EMC10: variants seen among roughly 807,000 people sequenced by gnomAD.
EMC10 encodes UPF0510 protein INM02.
In EMC10, 40 loss-of-function variants were observed where a neutral mutation model predicts 32.2. The ratio of observed to expected loss-of-function variants is 1.24; its 90% CI spans 0.96 to 1.61. The LOEUF is 1.61. EMC10 is among the 40% of genes most tolerant of loss of function. The pLI is 0.00. For missense variants in EMC10, 402 were observed against 357.7 expected (o/e 1.12, Z -1.00); for synonymous variants, 178 against 158.4 (o/e 1.12, Z -0.93).
chr19:50,481,500 C>T (rs1018800172), intron 6 of EMC10: 13 of 282,624 alleles, frequency 4.6e-5, no homozygotes, highest in African/African-American at 2.0e-4. Flanking sequence ...TGGGGACAGC[C>T]GGAGGAGGTG....
chr19:50,476,614 C>T lies in EMC10; in HGVS notation c.70C>T (p.Arg24Ter), dbSNP rs953380956. The change falls in exon 1 of 7, where the codon CGA becomes TGA. Residue 24 changes from arginine to a stop codon, truncating the protein, a stop_gained. Transcript: ENST00000334976. LOFTEE classifies it high-confidence loss of function. Reference sequence around the variant, plus strand: ...GCTGATGGCGGTAGCAGCGCCCAGTCGAGCCCGGGGCAGCGGCTGCCGGGC... The same window carrying T: ...GCTGATGGCGGTAGCAGCGCCCAGTTGAGCCCGGGGCAGCGGCTGCCGGGC... ...LLLMAVAAPS[R>*]ARGSGCRAGT... 3.2e-6 allele frequency: 5 copies of T among 1,560,824 alleles called. No homozygotes were observed. Among genetic ancestry groups the T allele is most frequent in the East Asian group, 4.7e-5 (2 of 42,314 alleles).
rs1016868432 is a variant in EMC10, at chr19:50,481,877, G to C, written c.679-272G>C. ...CCTCCCCAGTGGCACATCATCCTGG[G>C]GGGGGCCGTGTTGCTCACAGCCCTG... On this transcript the variant is annotated intron_variant, in intron 6 of 6. Coordinates refer to ENST00000334976, the MANE Select transcript of EMC10 (RefSeq NM_206538.4). 14 of 1,588,272 alleles carry C rather than the reference G, an allele frequency of 8.8e-6. No individual in the cohort carries two copies. The highest frequency in any genetic ancestry group is 8.1e-5 in the African/African-American group (6 of 74,342).
chr19:50,481,346 C>T (rs951781063), intron 6 of EMC10: 4 of 235,898 alleles, frequency 1.7e-5, no homozygotes, highest in African/African-American at 2.3e-5. Context: ...GGAGTGGGTC[C>T]GGGAGGGATG....
chr19:50,480,264 C>T lies in EMC10; in HGVS notation c.402+49C>T. ...CCCCTTCTCCCTCGTCCTCCTCATC[C>T]CCTACCCTGGTCCTGCTTCCACCAT... On this transcript the variant is annotated intron_variant, in intron 4 of 6. Coordinates refer to ENST00000334976, the MANE Select transcript of EMC10 (RefSeq NM_206538.4). The surrounding 1 kb of genome is among the most constrained non-coding windows in gnomAD (Gnocchi z 4.4). 1 of 1,536,848 alleles carries T rather than the reference C, an allele frequency of 6.5e-7. No individual in the cohort carries two copies. Among genetic ancestry groups the T allele is most frequent in the Non-Finnish European group, 8.9e-7 (1 of 1,120,584 alleles).
chr19:50,481,402 T>G (rs1034374898), intron 6 of EMC10: 1 of 215,822 alleles, frequency 4.6e-6, no homozygotes, highest in Non-Finnish European at 9.0e-6. Context: ...CTGGGAGGCC[T>G]CCTGGAGCTG....
Position 50,482,887 on chromosome 19 carries a change from A to ATGT in EMC10, c.*628_*629insTGT. The ATGT allele has an allele frequency of 1.8e-6, 1 of 542,080 alleles. No individual in the cohort carries two copies. Among genetic ancestry groups the ATGT allele is most frequent in the Non-Finnish European group, 3.2e-6 (1 of 307,916 alleles). The allele number at this position is 542,080 out of a possible 1,614,324, so 33.6% of individuals were successfully genotyped here. On this transcript the variant is annotated 3_prime_UTR_variant, in exon 7 of 7. Transcript: ENST00000334976. ...TTTGACATTTGTCTGCCTGGTGCAAACAAGGAATCCTTGCCTTTAAGGTGA... is the reference window on the plus strand; with the variant it reads ...TTTGACATTTGTCTGCCTGGTGCAAATGTCAAGGAATCCTTGCCTTTAAGGTGA...
In EMC10 at chr19:50,483,026, C is replaced by G. The variant is rs1055884723; in HGVS notation, c.*767C>G. 2.9e-5 allele frequency: 16 copies of G among 560,318 alleles called. No individual in the cohort carries two copies. The highest frequency in any genetic ancestry group is 2.1e-4 in the East Asian group (5 of 24,030). 34.7% of individuals were successfully genotyped at this position (560,318 alleles called of 1,614,324 possible). ...GTAAATAGAACCCCCTCCACCACCC[C>G]CCGCCGCCCAGCATCCTACCTGGAC... is the stretch of plus-strand genomic sequence containing the variant. On this transcript the variant is annotated 3_prime_UTR_variant, in exon 7 of 7. Coordinates refer to ENST00000334976, the MANE Select transcript of EMC10 (RefSeq NM_206538.4).
chr19:50,478,061 T>A, intron 2 of EMC10, 60 bp downstream of exon 2: 8 of 1,425,464 alleles, frequency 5.6e-6, no homozygotes, highest in Non-Finnish European at 7.7e-6. Context: ...AAGTCAAGAC[T>A]TGGAGTCTGG....
At chr19:50,477,081 C>T (rs1328748193) in intron 1 of EMC10, 1 of 150,202 alleles carries the variant, frequency 6.7e-6, no homozygotes, top group Non-Finnish European at 1.4e-5. Flanking sequence ...CATAGCGAGC[C>T]CTGTCTCTAC....
rs1333563255 is a variant in EMC10 at position 50,480,716 on chromosome 19, C to T, written c.538C>T (p.Leu180=). ...TGAGGTGGAGGACGTGGACCTGGAG[C>T]TGTTCAACACCTCGGTGCAGCTGCA... ...GHEVEDVDLE[L]FNTSVQLQPP... is the part of the protein sequence containing the mutation. The change falls in exon 5 of 7, where the codon CTG becomes TTG. Residue 180 remains leucine, a synonymous_variant. Coordinates refer to ENST00000334976, the MANE Select transcript of EMC10 (RefSeq NM_206538.4). The surrounding 1 kb of genome is among the most constrained non-coding windows in gnomAD (Gnocchi z 4.4). 2 of 1,605,542 alleles carry T rather than the reference C, an allele frequency of 1.2e-6. No individual in the cohort carries two copies. Among genetic ancestry groups the T allele is most frequent in the Non-Finnish European group, 8.5e-7 (1 of 1,177,066 alleles).
chr19:50,478,900 GC>G, intron 2 of EMC10, 56 bp from the exon 3 acceptor site: 2 of 1,407,588 alleles, frequency 1.4e-6, no homozygotes, highest in South Asian at 2.5e-5. Context: ...CCTGGCCCCT[GC>G]CTGGGTTGAA....
chr19:50,481,048 T>C (rs1297797891), intron 6 of EMC10, 71 bp downstream of exon 6: 3 of 1,238,840 alleles, frequency 2.4e-6, no homozygotes, highest in Non-Finnish European at 3.5e-6. Flanking sequence ...CCCTCCATGC[T>C]CCCACCCAGA....
chr19:50,482,762 ACCCTGGGTC>A lies in EMC10; in HGVS notation c.*508_*516del. On this transcript the variant is annotated 3_prime_UTR_variant, in exon 7 of 7. Coordinates refer to ENST00000334976, the MANE Select transcript of EMC10 (RefSeq NM_206538.4). The stretch of plus-strand genomic sequence containing the variant: ...CTCCCTTCTGTGTCCCCTTGAGGGT[ACCCTGGGTC>A]CCCTCATCAGGGGCAGAGGCATGAA... The A allele has an allele frequency of 2.1e-6, 1 of 486,832 alleles. No individual in the cohort carries two copies. The allele number at this position is 486,832 out of a possible 1,614,324, so 30.2% of individuals were successfully genotyped here. A position where few individuals can be genotyped will look rare whatever the true frequency, so the allele number is the denominator to read the frequency against.
chr19:50,479,541 G>A (rs2040284696), intron 3 of EMC10, among the ~76,000 whole-genome samples: 1 of 152,190 alleles, frequency 6.6e-6, no homozygotes, highest in Non-Finnish European at 1.5e-5. Flanking sequence ...CAGGCAGCAG[G>A]ATAGAGAGGG....
chr19:50,478,740 C>A (rs1298408794), intron 2 of EMC10, among the ~76,000 whole-genome samples: 2 of 152,142 alleles, frequency 1.3e-5, no homozygotes, highest in Non-Finnish European at 2.9e-5. Flanking sequence ...GATTTGGGAG[C>A]TGTGGGGTTC....
At chr19:50,476,977 G>A in intron 1 of EMC10, 1 of 264,758 alleles carries the variant, frequency 3.8e-6, no homozygotes, top group Non-Finnish European at 7.1e-6. Flanking sequence ...GCAAGGTGAA[G>A]CCGGGCGCGG....
chr19:50,486,999 T>C lies in EMC10; in HGVS notation c.*4740T>C, dbSNP rs1429157563. The C allele has an allele frequency of 1.3e-5, 2 of 152,172 alleles. No homozygotes were observed. The highest frequency in any genetic ancestry group is 2.9e-5 in the Non-Finnish European group (2 of 68,030). 9.4% of individuals were successfully genotyped at this position (152,172 alleles called of 1,614,324 possible). ...ATAGCTGGGTTGCAGCTCCGTTCTT[T>C]GCCAGGAGGTGGTAATAGAGGATTC... On this transcript the variant is annotated 3_prime_UTR_variant, in exon 7 of 7. Transcript: ENST00000334976.
chr19:50,479,053 G>A lies in EMC10; in HGVS notation c.284G>A (p.Arg95Gln), dbSNP rs1371399198. ...CAGCGGCAGCTCAGCGAGGAGGAGC[G>A]GGGCCGACTCCGGGTGAGGTGGGGC... ...LSQRQLSEEERGRLRDVAALN... is the reference protein window; with the variant it reads ...LSQRQLSEEEQGRLRDVAALN... The change falls in exon 3 of 7, where the codon CGG becomes CAG. Residue 95 changes from arginine to glutamine, a missense_variant. By Grantham distance (43) the Arg-to-Gln change is conservative. Transcript: ENST00000334976. 28 of 1,605,754 alleles carry A rather than the reference G, an allele frequency of 1.7e-5. No homozygotes were observed. The highest frequency in any genetic ancestry group is 2.3e-5 in the Non-Finnish European group (27 of 1,177,342).
intron 6 of EMC10, 87 bp from the exon 7 acceptor site, chr19:50,482,062 A>G (rs1159814146): frequency 1.3e-5 from 19 of 1,439,936 alleles, no homozygotes; most frequent in Non-Finnish European, 1.2e-5. Context: ...GCCGGTCCCC[A>G]CCGTGGGTGG....
Sources: allele counts gnomAD v4.1 joint callset (sites outside exome capture counted in the v4.1 genomes callset), GRCh38; gene constraint gnomAD v4.1.1; non-coding constraint Gnocchi (gnomAD v3.1); transcripts MANE v1.5; gene names NCBI Gene and HGNC (gene_info 2026-07-23, HGNC 2026-07-21).